Variants in TIAM1 observed in about 807,000 individuals in gnomAD.
TIAM1 encodes the protein TIAM Rac1 associated GEF 1, also known as rho guanine nucleotide exchange factor TIAM1.
Under a neutral mutation model 163.5 loss-of-function variants are expected in TIAM1, and 65 were observed. The observed-to-expected ratio is 0.40, with a 90% CI of 0.33 to 0.49. The LOEUF is 0.49. TIAM1 is among the 20% of genes least tolerant of loss of function. The pLI, the probability that TIAM1 is intolerant of heterozygous loss-of-function variation, is 0.77. For missense variants in TIAM1, 1,789 were observed against 2,044.7 expected (o/e 0.87, Z 2.41); for synonymous variants, 833 against 810.1 (o/e 1.03, Z -0.48).
intron 23 of TIAM1, among the ~76,000 whole-genome samples, chr21:31,131,211 T>C (rs1161395793): frequency 6.6e-6 from 1 of 150,456 alleles, no homozygotes; most frequent in Non-Finnish European, 1.5e-5. Context: ...TTGCGTAAAA[T>C]ATGTTAGGTA....
At chr21:31,317,551 G>C (rs932617619) in intron 2 of TIAM1, among the ~76,000 whole-genome samples, 2 of 152,232 alleles carry the variant, frequency 1.3e-5, no homozygotes, top group African/African-American at 4.8e-5. Context: ...AGGCCGAAGT[G>C]GGTGGATGAC....
intron 1 of TIAM1, among the ~76,000 whole-genome samples, chr21:31,468,338 C>T (rs2045606078): frequency 6.6e-6 from 1 of 151,750 alleles, no homozygotes; most frequent in African/African-American, 2.4e-5. Flanking sequence ...AAAAAATTAG[C>T]CGGGTGTGGT....
intron 2 of TIAM1, among the ~76,000 whole-genome samples, chr21:31,317,510 C>T (rs1159354182): frequency 4.2e-5 from 6 of 144,430 alleles, no homozygotes; most frequent in East Asian, 2.1e-4. Flanking sequence ...TCGGGCACGG[C>T]GGCTCACGCC....
intron 26 of TIAM1, among the ~76,000 whole-genome samples, chr21:31,126,348 C>G (rs2082198837): frequency 6.6e-6 from 1 of 152,082 alleles, no homozygotes; most frequent in Admixed American, 6.5e-5. Context: ...GCAGGCAGAC[C>G]ACGATGTCAG....
At chr21:31,540,564 C>A (rs2048289913) in intron 1 of TIAM1, among the ~76,000 whole-genome samples, 1 of 152,146 alleles carries the variant, frequency 6.6e-6, no homozygotes, top group Non-Finnish European at 1.5e-5. Flanking sequence ...CATACGGGGA[C>A]CCCCATCTCT....
chr21:31,129,168 G>A (rs1289908994), intron 25 of TIAM1, among the ~76,000 whole-genome samples: 1 of 152,176 alleles, frequency 6.6e-6, no homozygotes. Flanking sequence ...GCTCATTCCA[G>A]GATGTGCCTG....
intron 1 of TIAM1, among the ~76,000 whole-genome samples, chr21:31,538,165 G>A (rs1467240387): frequency 3.3e-5 from 5 of 152,204 alleles, no homozygotes; most frequent in Admixed American, 2.6e-4. Context: ...TATCCCATTT[G>A]TAAGAATTCA....
intron 15 of TIAM1, among the ~76,000 whole-genome samples, chr21:31,168,749 C>A (rs1382273610): frequency 6.6e-6 from 1 of 152,092 alleles, no homozygotes; most frequent in African/African-American, 2.4e-5. Context: ...TATTCCAAGG[C>A]ATCTGGTAGG....
chr21:31,209,370 C>T (rs142781993), intron 11 of TIAM1, among the ~76,000 whole-genome samples: 169 of 152,264 alleles, frequency 1.1e-3, no homozygotes, highest in African/African-American at 3.7e-3. Context: ...CTGCCCTTCA[C>T]GGGGAAAAAT....
chr21:31,470,001 AT>A (rs540154867), intron 1 of TIAM1, among the ~76,000 whole-genome samples: 2,536 of 136,704 alleles, frequency 0.019, 68 homozygotes, highest in African/African-American at 0.063. Flanking sequence ...AAAACCTTGA[AT>A]TTTTTTTTTT....
intron 1 of TIAM1, among the ~76,000 whole-genome samples, chr21:31,490,501 C>T (rs2046427542): frequency 6.6e-6 from 1 of 152,160 alleles, no homozygotes; most frequent in Non-Finnish European, 1.5e-5. Flanking sequence ...TGCCTCCCTC[C>T]CTGTCAACAG....
At chr21:31,518,855 C>A (rs1485025095) in intron 1 of TIAM1, among the ~76,000 whole-genome samples, 1 of 152,160 alleles carries the variant, frequency 6.6e-6, no homozygotes, top group African/African-American at 2.4e-5. Context: ...TAGGGATAGC[C>A]TGGAAAACAA....
chr21:31,158,737 A>G (rs1265974648), intron 16 of TIAM1, among the ~76,000 whole-genome samples: 1 of 152,144 alleles, frequency 6.6e-6, no homozygotes, highest in African/African-American at 2.4e-5. Context: ...AATACCTCTA[A>G]GCTAGAGATT....
chr21:31,143,238 T>C (rs2082939682), intron 20 of TIAM1, among the ~76,000 whole-genome samples: 1 of 152,150 alleles, frequency 6.6e-6, no homozygotes, highest in Admixed American at 6.5e-5. Context: ...AAAAGCACAT[T>C]CTTCACATTC....
At chr21:31,325,378 T>C (rs1410735439) in intron 2 of TIAM1, among the ~76,000 whole-genome samples, 1 of 151,538 alleles carries the variant, frequency 6.6e-6, no homozygotes, top group East Asian at 1.9e-4. Context: ...TAGAATTTAC[T>C]CAGAAGGGGC....
intron 2 of TIAM1, among the ~76,000 whole-genome samples, chr21:31,430,223 A>ATATATAT (rs1165189999): frequency 1.8e-4 from 18 of 97,996 alleles, no homozygotes; most frequent in African/African-American, 8.9e-4. Context: ...AAAAAAAAAA[A>ATATATAT]AAATATATAT....
At chr21:31,247,231 A>G (rs2071550463) in intron 5 of TIAM1, among the ~76,000 whole-genome samples, 1 of 151,864 alleles carries the variant, frequency 6.6e-6, no homozygotes, top group South Asian at 2.1e-4. Flanking sequence ...GGATTGTTTG[A>G]GCCCAGGAGG....
chr21:31,517,763 A>G (rs1431531388), intron 1 of TIAM1, among the ~76,000 whole-genome samples: 1 of 152,202 alleles, frequency 6.6e-6, no homozygotes, highest in African/African-American at 2.4e-5. Context: ...CATGCAAAAG[A>G]TGTCCTTCTT....
At chr21:31,405,766 C>A (rs897050428) in intron 2 of TIAM1, among the ~76,000 whole-genome samples, 5 of 152,150 alleles carry the variant, frequency 3.3e-5, no homozygotes, top group Non-Finnish European at 7.3e-5. Context: ...TGGGTCCCTC[C>A]CACAACACAT....
Sources: allele counts gnomAD v4.1 joint callset (sites outside exome capture counted in the v4.1 genomes callset), GRCh38; gene constraint gnomAD v4.1.1; transcripts MANE v1.5; gene names NCBI Gene and HGNC (gene_info 2026-07-23, HGNC 2026-07-21).